The following KCTD1 variants were observed in gnomAD, a reference collection of about 807,000 sequenced individuals.
KCTD1 encodes the protein BTB/POZ domain-containing protein KCTD1.
Under a neutral mutation model 66.0 loss-of-function variants are expected in KCTD1, and 24 were observed. That is an observed-to-expected ratio of 0.36 (90% CI 0.26 to 0.51). KCTD1 has a LOEUF of 0.51. Among genes scored for constraint, KCTD1 ranks in the 20% least tolerant of loss-of-function variants. The probability of loss-of-function intolerance (pLI) is 0.95; values close to 1 mark genes in which losing one functional copy is unlikely to be tolerated. For synonymous variants in KCTD1, 511 were observed against 517.2 expected (o/e 0.99, Z 0.16); for missense variants, 943 against 1,205.2 (o/e 0.78, Z 3.22).
At chr18:26,627,294 G>GTT (rs1987523505) in intron 1 of KCTD1, among the ~76,000 whole-genome samples, 1 of 149,960 alleles carries the variant, frequency 6.7e-6, no homozygotes, top group Admixed American at 6.6e-5. Context: ...GTGTGTGTGT[G>GTT]TGTGTGTGCC....
intron 1 of KCTD1, chr18:26,600,473 G>A: frequency 7.8e-6 from 5 of 641,952 alleles, no homozygotes; most frequent in South Asian, 7.3e-5. Flanking sequence ...GTGCTTAGCA[G>A]ACAGAGTGAA....
At chr18:26,640,755 A>G (rs1413487432), upstream of KCTD1, among the ~76,000 whole-genome samples, 1 of 152,128 alleles carries the variant, frequency 6.6e-6, no homozygotes, top group Non-Finnish European at 1.5e-5. Flanking sequence ...GGGGGTGTGC[A>G]CTGGGCAGGT....
In KCTD1 at chr18:26,467,833, T is replaced by A. The variant is rs150060396; in HGVS notation, c.2134-7908A>T. Among the ~76,000 whole-genome samples the A allele has an allele frequency of 4.2e-3, 638 of 152,202 alleles. 7 individuals are homozygous for A. The highest frequency in any genetic ancestry group is 0.013 in the African/African-American group (557 of 41,536). On this transcript the variant is annotated intron_variant, in intron 3 of 4. Transcript: ENST00000580059. ...CTATCTCAAAAAAACCAATTTTTTTTAAATTAATTAAAAAAATACCCAATA... is the reference window on the plus strand; with the variant it reads ...CTATCTCAAAAAAACCAATTTTTTTAAAATTAATTAAAAAAATACCCAATA...
chr18:26,488,522 C>T (rs1397691861), intron 2 of KCTD1, among the ~76,000 whole-genome samples: 1 of 151,968 alleles, frequency 6.6e-6, no homozygotes, highest in African/African-American at 2.4e-5. Flanking sequence ...TGGGAGGGGC[C>T]TCGCCAAGTT....
At chr18:26,463,183 C>A (rs1347917698) in intron 3 of KCTD1, among the ~76,000 whole-genome samples, 1 of 152,312 alleles carries the variant, frequency 6.6e-6, no homozygotes, top group East Asian at 1.9e-4. Flanking sequence ...TGGCCAGGCA[C>A]AGTGGCTCAC....
intron 1 of KCTD1, among the ~76,000 whole-genome samples, chr18:26,600,490 T>TG (rs201966909): frequency 0.1 from 15,658 of 151,184 alleles, 878 homozygotes; most frequent in Admixed American, 0.15. Flanking sequence ...TGAAGCTGGC[T>TG]GGGGGGGGTG....
chr18:26,626,031 T>C (rs1987491310), intron 1 of KCTD1, among the ~76,000 whole-genome samples: 1 of 152,132 alleles, frequency 6.6e-6, no homozygotes. Flanking sequence ...AGCCTGGAAC[T>C]GCTCTGGTCA....
At chr18:26,616,162 CT>C (rs369910419) in intron 1 of KCTD1, among the ~76,000 whole-genome samples, 1 of 40,866 alleles carries the variant, frequency 2.4e-5, no homozygotes, top group African/African-American at 1.3e-4. Context: ...TTTTTCTTCT[CT>C]TTTTATTGTT....
intron 1 of KCTD1, among the ~76,000 whole-genome samples, chr18:26,576,730 G>C (rs184794432): frequency 6.6e-6 from 1 of 152,188 alleles, no homozygotes; most frequent in East Asian, 1.9e-4. Flanking sequence ...TTTAGGATTT[G>C]TTCTGTCTTG....
At chr18:26,651,799 A>G (rs548173326) in intron 1 of KCTD1, among the ~76,000 whole-genome samples, 38 of 117,148 alleles carry the variant, frequency 3.2e-4, no homozygotes, top group African/African-American at 1.4e-3. Context: ...AAAAAAAAAA[A>G]AAGAAGAAGA....
At chr18:26,641,466 G>T (rs1987832948), upstream of KCTD1, among the ~76,000 whole-genome samples, 1 of 152,132 alleles carries the variant, frequency 6.6e-6, no homozygotes, top group Non-Finnish European at 1.5e-5. Flanking sequence ...ATTCTTTCCT[G>T]TTGGGCTAGC....
intron 1 of KCTD1, among the ~76,000 whole-genome samples, chr18:26,622,654 T>C: frequency 6.6e-6 from 1 of 151,418 alleles, no homozygotes; most frequent in South Asian, 2.1e-4. Flanking sequence ...AATATGCATA[T>C]GAGATAAAGA....
In KCTD1 at chr18:26,547,509, C is replaced by A. The variant is rs369207952; in HGVS notation, c.1028G>T (p.Arg343Leu). 3.0e-5 allele frequency: 46 copies of A among 1,551,410 alleles called. No homozygotes were observed. Among genetic ancestry groups the A allele is most frequent in the Non-Finnish European group, 4.0e-5 (46 of 1,146,998 alleles). The change falls in exon 1 of 5, where the codon CGC becomes CTC. Residue 343 changes from arginine to leucine, a missense_variant. This residue lies in a region of KCTD1 where 66 missense variants were observed against 61.6 expected (regional missense o/e 1.07). Transcript: ENST00000580059. Reference sequence around the variant, plus strand: ...GAGGGACTTGAAGTAGACGAACTTGCGACCGTCCTCGTCCATGGCCAGCCC... The same window carrying A: ...GAGGGACTTGAAGTAGACGAACTTGAGACCGTCCTCGTCCATGGCCAGCCC... The part of the protein sequence containing the change: ...SFGLAMDEDG[R>L]KFVYFKSLGP...
intron 1 of KCTD1, among the ~76,000 whole-genome samples, chr18:26,596,157 A>G (rs987311560): frequency 2.0e-5 from 3 of 152,212 alleles, no homozygotes; most frequent in African/African-American, 7.2e-5. Context: ...CTCGCATGTG[A>G]TAATATTTGG....
chr18:26,526,771 G>A (rs1285601309), intron 1 of KCTD1, among the ~76,000 whole-genome samples: 2 of 151,782 alleles, frequency 1.3e-5, no homozygotes, highest in South Asian at 2.1e-4. Flanking sequence ...AAAAGACTAG[G>A]AAATGGAGAA....
At chr18:26,619,787 G>C (rs1179617380) in intron 1 of KCTD1, among the ~76,000 whole-genome samples, 1 of 152,202 alleles carries the variant, frequency 6.6e-6, no homozygotes, top group African/African-American at 2.4e-5. Context: ...CCACTGCAGA[G>C]TGGAGAGATG....
Position 26,455,895 on chromosome 18 carries a change from C to T in KCTD1, c.2446G>A (p.Glu816Lys), listed in dbSNP as rs369233166. 3.8e-5 allele frequency: 61 copies of T among 1,612,810 alleles called. No individual in the cohort carries two copies. In the African/African-American group the frequency reaches 4.7e-4, roughly 12 times the overall value. The change falls in exon 5 of 5, where the codon GAG (glutamate) becomes AAG (lysine). Residue 816 changes from glutamate to lysine, a missense_variant. Around this residue, in one of 10 missense-constraint regions of KCTD1, gnomAD observed 162 missense variants for 232.4 expected, o/e 0.70. Transcript: ENST00000580059. Reference sequence around the variant, plus strand: ...TCAAATCCTCTTTGCTGCAACCTCTCGAGGACCTGCGAGGGAACAAGACAA... The same window carrying T: ...TCAAATCCTCTTTGCTGCAACCTCTTGAGGACCTGCGAGGGAACAAGACAA... ...YCHLNSVQVL[E>K]RLQQRGFEIV...
At chr18:26,517,936 TG>T (rs113722064) in intron 1 of KCTD1, among the ~76,000 whole-genome samples, 2 of 152,210 alleles carry the variant, frequency 1.3e-5, no homozygotes, top group Non-Finnish European at 2.9e-5. Context: ...TCAGAGTGGG[TG>T]GGGTGGGGTC....
intron 2 of KCTD1, among the ~76,000 whole-genome samples, chr18:26,490,202 C>T (rs1567965702): frequency 6.6e-6 from 1 of 152,196 alleles, no homozygotes; most frequent in African/African-American, 2.4e-5. Flanking sequence ...CCTTTCTCTG[C>T]AGCTCAGGTG....
Sources: gnomAD v4.1 joint callset for allele counts (sites outside exome capture counted in the v4.1 genomes callset) on GRCh38, gnomAD v4.1.1 for gene constraint, gnomAD v4.1.1 regional missense constraint, MANE v1.5 for transcripts, NCBI Gene and HGNC (gene_info 2026-07-23, HGNC 2026-07-21) for gene names.